NOL4: variants seen among roughly 807,000 people sequenced by gnomAD.
NOL4 encodes cancer/testis antigen 125.
A neutral mutation model predicts 75.9 loss-of-function variants in NOL4; 17 were observed. The observed-to-expected ratio is 0.22, with a 90% CI of 0.15 to 0.34. The LOEUF (loss-of-function observed/expected upper bound fraction) is 0.34, where lower values mean the gene tolerates loss of function less well. NOL4 is among the 10% of genes least tolerant of loss of function. The pLI is 1.00. For synonymous variants in NOL4, 292 were observed against 289.9 expected (o/e 1.01, Z -0.07); for missense variants, 614 against 793.5 (o/e 0.77, Z 2.72).
intron 2 of NOL4, among the ~76,000 whole-genome samples, chr18:34,116,737 G>C (rs919477429): frequency 2.0e-5 from 3 of 152,008 alleles, no homozygotes; most frequent in Admixed American, 2.0e-4. Flanking sequence ...TATTTTTTCA[G>C]ACTGTGTATC....
At chr18:34,190,720 ATAT>A (rs542324127) in intron 1 of NOL4, among the ~76,000 whole-genome samples, 27 of 151,640 alleles carry the variant, frequency 1.8e-4, no homozygotes, top group African/African-American at 5.1e-4. Context: ...AATTTAATTA[ATAT>A]TTAAATATAC....
chr18:34,194,483 G>A (rs2035176715), intron 1 of NOL4, among the ~76,000 whole-genome samples: 1 of 150,880 alleles, frequency 6.6e-6, no homozygotes, highest in African/African-American at 2.4e-5. Context: ...CAGGCAGGCA[G>A]GCAGGCGAGA....
chr18:34,000,891 C>T (rs532592936), intron 6 of NOL4, among the ~76,000 whole-genome samples: 25 of 152,152 alleles, frequency 1.6e-4, no homozygotes, highest in African/African-American at 5.8e-4. Context: ...AAGTTATTAA[C>T]ATTCAAAAAC....
rs144406487 is a variant in NOL4, at chr18:33,970,815, T to C, written c.1057-12397A>G. Reference sequence around the variant, plus strand: ...TTTCTCTCGGAGTTTCCAGGCCTCATCTGGACAATTATATGTTTGATACAA... The same window carrying C: ...TTTCTCTCGGAGTTTCCAGGCCTCACCTGGACAATTATATGTTTGATACAA... On this transcript the variant is annotated intron_variant, in intron 6 of 10. Transcript: ENST00000261592. Among the ~76,000 whole-genome samples, 851 of 152,172 alleles carry C rather than the reference T, an allele frequency of 5.6e-3. 6 individuals are homozygous for C. The highest frequency in any genetic ancestry group is 8.9e-3 in the Non-Finnish European group (607 of 67,996).
chr18:34,217,059 T>C (rs1248329119), intron 1 of NOL4, among the ~76,000 whole-genome samples: 1 of 152,116 alleles, frequency 6.6e-6, no homozygotes, highest in African/African-American at 2.4e-5. Context: ...GAATCTAGAA[T>C]GATGTTCATA....
intron 10 of NOL4, among the ~76,000 whole-genome samples, chr18:33,875,158 T>C: frequency 6.6e-6 from 1 of 151,994 alleles, no homozygotes; most frequent in South Asian, 2.1e-4. Flanking sequence ...TAATTTAGAC[T>C]CAAGAGATCC....
intron 2 of NOL4, among the ~76,000 whole-genome samples, chr18:34,115,758 T>C (rs183896373): frequency 1.3e-5 from 2 of 152,246 alleles, no homozygotes; most frequent in Admixed American, 1.3e-4. Context: ...AGCTGTTCTC[T>C]TTACTTTGCT....
chr18:34,179,630 A>G (rs2033864128), intron 1 of NOL4, among the ~76,000 whole-genome samples: 1 of 151,814 alleles, frequency 6.6e-6, no homozygotes, highest in African/African-American at 2.4e-5. Flanking sequence ...ACAAATTCAT[A>G]GAAAGACCCC....
At chr18:34,097,581 G>A (rs2078847154) in intron 4 of NOL4, among the ~76,000 whole-genome samples, 1 of 152,168 alleles carries the variant, frequency 6.6e-6, no homozygotes, top group African/African-American at 2.4e-5. Flanking sequence ...GTATGTGGCT[G>A]TTGAACATTT....
intron 6 of NOL4, among the ~76,000 whole-genome samples, chr18:33,968,000 G>A (rs562849342): frequency 6.6e-6 from 1 of 152,128 alleles, no homozygotes; most frequent in African/African-American, 2.4e-5. Context: ...GCAGAAGAAT[G>A]GCTTGAACCC....
chr18:33,986,110 G>A (rs1309801121), intron 6 of NOL4, among the ~76,000 whole-genome samples: 2 of 152,020 alleles, frequency 1.3e-5, no homozygotes, highest in Admixed American at 1.3e-4. Context: ...TGCCTGATAC[G>A]AACTTTCTAA....
chr18:34,120,037 G>A (rs2080065830), intron 2 of NOL4, among the ~76,000 whole-genome samples: 1 of 152,154 alleles, frequency 6.6e-6, no homozygotes, highest in Non-Finnish European at 1.5e-5. Flanking sequence ...TTGTTTATCT[G>A]AAATTCAAAT....
intron 9 of NOL4, among the ~76,000 whole-genome samples, chr18:33,918,421 T>C (rs1286483058): frequency 6.6e-6 from 1 of 152,214 alleles, no homozygotes; most frequent in Admixed American, 6.5e-5. Flanking sequence ...TATTAATATA[T>C]TCTTACTGAT....
intron 1 of NOL4, among the ~76,000 whole-genome samples, chr18:34,206,758 G>A (rs144395900): frequency 2.7e-4 from 41 of 151,972 alleles, no homozygotes; most frequent in Admixed American, 2.3e-3. Context: ...ATTGCCCTGC[G>A]AACAAATTTG....
intron 6 of NOL4, among the ~76,000 whole-genome samples, chr18:34,013,436 C>A (rs759318502): frequency 7.2e-5 from 11 of 151,896 alleles, no homozygotes; most frequent in Non-Finnish European, 1.3e-4. Context: ...TCTGACCACA[C>A]TATTTTCCAT....
At chr18:34,032,625 C>T (rs977042359) in intron 5 of NOL4, among the ~76,000 whole-genome samples, 7 of 152,154 alleles carry the variant, frequency 4.6e-5, no homozygotes, top group African/African-American at 1.4e-4. Flanking sequence ...GCACTCACCA[C>T]GTGGGATCCA....
chr18:33,875,262 T>C (rs2144557674), intron 10 of NOL4, among the ~76,000 whole-genome samples: 1 of 152,094 alleles, frequency 6.6e-6, no homozygotes, highest in Non-Finnish European at 1.5e-5. Flanking sequence ...CCTATGTAAA[T>C]GGTGTGATAA....
chr18:34,089,429 G>A (rs1815388304), intron 5 of NOL4, among the ~76,000 whole-genome samples: 1 of 152,036 alleles, frequency 6.6e-6, no homozygotes, highest in Non-Finnish European at 1.5e-5. Context: ...GAGTTTAACT[G>A]CCAGTCAAAA....
At chr18:34,055,874 C>A (rs752402144) in intron 5 of NOL4, among the ~76,000 whole-genome samples, 1 of 151,958 alleles carries the variant, frequency 6.6e-6, no homozygotes, top group Admixed American at 6.6e-5. Flanking sequence ...TTTTCATCTG[C>A]CTGATCAAGT....
Sources: allele counts gnomAD v4.1 joint callset (sites outside exome capture counted in the v4.1 genomes callset), GRCh38; gene constraint gnomAD v4.1.1; transcripts MANE v1.5; gene names NCBI Gene and HGNC (gene_info 2026-07-23, HGNC 2026-07-21).